The following PI4KA variants were observed in gnomAD, a reference collection of about 807,000 sequenced individuals.
PI4KA encodes the protein PI4-kinase alpha.
In PI4KA, 122 loss-of-function variants were observed where a neutral mutation model predicts 271.4. The ratio of observed to expected loss-of-function variants is 0.45; its 90% CI spans 0.39 to 0.52. The LOEUF (loss-of-function observed/expected upper bound fraction) is 0.52, where lower values mean the gene tolerates loss of function less well. PI4KA is among the 20% of genes least tolerant of loss of function. The pLI is 0.00. For synonymous variants in PI4KA, 1,041 were observed against 1,078.8 expected, an observed-to-expected ratio of 0.96 and a Z score of 0.69; for missense variants, 1,969 against 2,769.1, an observed-to-expected ratio of 0.71 and a Z score of 6.48.
intron 41 of PI4KA, among the ~76,000 whole-genome samples, chr22:20,727,025 C>A (rs1436244223): frequency 6.6e-6 from 1 of 152,102 alleles, no homozygotes; most frequent in Non-Finnish European, 1.5e-5. Flanking sequence ...AAACGCCTCA[C>A]TAGATTAAAA....
chr22:20,787,141 A>ATCTC, intron 19 of PI4KA: 24 of 1,300,726 alleles, frequency 1.8e-5, no homozygotes, highest in Non-Finnish European at 2.4e-5. Context: ...GAGAACAGAG[A>ATCTC]TGTTCTGGCA....
At chr22:20,715,623 T>C (rs976120404) in intron 45 of PI4KA, among the ~76,000 whole-genome samples, 4 of 150,338 alleles carry the variant, frequency 2.7e-5, no homozygotes, top group Non-Finnish European at 4.4e-5. Flanking sequence ...TACAGGCGCC[T>C]GCCACCGCGC....
At chr22:20,740,715 G>T (rs1475429722) in intron 32 of PI4KA, among the ~76,000 whole-genome samples, 1 of 152,182 alleles carries the variant, frequency 6.6e-6, no homozygotes, top group East Asian at 1.9e-4. Context: ...GGAACCCATG[G>T]ATATGGAGGG....
intron 19 of PI4KA, among the ~76,000 whole-genome samples, chr22:20,773,048 G>A (rs796667186): frequency 2.6e-5 from 4 of 151,950 alleles, no homozygotes; most frequent in African/African-American, 4.8e-5. Context: ...CCAAGATCAC[G>A]CCACTGCACT....
At chr22:20,747,810 T>C (rs977836208) in intron 28 of PI4KA, 108 bp from the exon 29 acceptor site, 9 of 1,064,122 alleles carry the variant, frequency 8.5e-6, no homozygotes, top group Admixed American at 6.1e-5. Context: ...TCATGGCTCA[T>C]TGCAGCCTCG....
intron 1 of PI4KA, among the ~76,000 whole-genome samples, chr22:20,839,460 G>C (rs1345677744): frequency 6.6e-6 from 1 of 152,176 alleles, no homozygotes; most frequent in Non-Finnish European, 1.5e-5. Flanking sequence ...CAGTCTAAGT[G>C]GGTGTCCCCA....
At chr22:20,759,252 C>T (rs915074251) in intron 23 of PI4KA, among the ~76,000 whole-genome samples, 1 of 152,158 alleles carries the variant, frequency 6.6e-6, no homozygotes. Flanking sequence ...CTATGTAGCC[C>T]AGGCTGGTCT....
intron 22 of PI4KA, 37 bp downstream of exon 22, chr22:20,764,780 T>C (rs774282322): frequency 6.4e-7 from 1 of 1,556,478 alleles, no homozygotes; most frequent in Non-Finnish European, 8.7e-7. Flanking sequence ...TGCTCAAATG[T>C]GGATGTGCAT....
chr22:20,857,539 A>C (rs1299195917), intron 1 of PI4KA, among the ~76,000 whole-genome samples: 3 of 152,202 alleles, frequency 2.0e-5, no homozygotes, highest in African/African-American at 7.2e-5. Flanking sequence ...TCCATGTGCC[A>C]AAAAGTTGAG....
intron 32 of PI4KA, chr22:20,736,838 C>G (rs1176612471): frequency 6.5e-6 from 1 of 153,326 alleles, no homozygotes; most frequent in Non-Finnish European, 1.4e-5. Flanking sequence ...CTGGCATCTA[C>G]AGTAAAGGGA....
chr22:20,792,732 C>T (rs555027105), intron 19 of PI4KA, among the ~76,000 whole-genome samples: 142 of 152,296 alleles, frequency 9.3e-4, no homozygotes, highest in African/African-American at 2.7e-3. Context: ...GGACTGTGCC[C>T]GCCATGCCAA....
intron 42 of PI4KA, chr22:20,725,616 T>C (rs1432043048): frequency 4.6e-6 from 2 of 434,852 alleles, no homozygotes; most frequent in Non-Finnish European, 9.4e-6. Flanking sequence ...GCCAGGGAGA[T>C]GGGCACAGTG....
chr22:20,844,592 A>T (rs104658), intron 1 of PI4KA, among the ~76,000 whole-genome samples: 4 of 152,060 alleles, frequency 2.6e-5, no homozygotes, highest in Non-Finnish European at 4.4e-5. Flanking sequence ...GGGCCCTGAA[A>T]GCCTGGAGCA....
intron 12 of PI4KA, 32 bp from the exon 13 acceptor site, chr22:20,803,352 T>A (rs553425463): frequency 6.2e-7 from 1 of 1,612,870 alleles, no homozygotes; most frequent in East Asian, 2.2e-5. Context: ...TCACATGGCC[T>A]GTGGTATGGG....
intron 19 of PI4KA, among the ~76,000 whole-genome samples, chr22:20,784,973 T>C (rs1208523934): frequency 1.3e-5 from 2 of 152,036 alleles, no homozygotes; most frequent in African/African-American, 4.8e-5. Context: ...CCAGTCATCA[T>C]GCTCTGTGAA....
chr22:20,849,811 G>A (rs1165153668), intron 1 of PI4KA, among the ~76,000 whole-genome samples: 3 of 152,070 alleles, frequency 2.0e-5, no homozygotes, highest in Admixed American at 6.6e-5. Flanking sequence ...CCGAGATCGC[G>A]CCACTGCACT....
chr22:20,839,573 T>C (rs886999843), intron 1 of PI4KA, among the ~76,000 whole-genome samples: 9 of 152,238 alleles, frequency 5.9e-5, no homozygotes, highest in African/African-American at 2.2e-4. Flanking sequence ...GGCTCACGCC[T>C]GTAATCCCAG....
At chr22:20,803,362 GA>G (rs1199739799) in intron 12 of PI4KA, 42 bp from the exon 13 acceptor site, 1 of 1,612,452 alleles carries the variant, frequency 6.2e-7, no homozygotes, top group African/African-American at 1.3e-5. Flanking sequence ...TGTGGTATGG[GA>G]CCATCTGAGT....
At chr22:20,786,896 A>C in intron 19 of PI4KA, 1 of 1,614,196 alleles carries the variant, frequency 6.2e-7, no homozygotes, top group Non-Finnish European at 8.5e-7. Flanking sequence ...AGGCACGATC[A>C]CAGTGAACGA....
Sources: allele counts gnomAD v4.1 joint callset (sites outside exome capture counted in the v4.1 genomes callset), GRCh38; gene constraint gnomAD v4.1.1; transcripts MANE v1.5; gene names NCBI Gene and HGNC (gene_info 2026-07-23, HGNC 2026-07-21).